Variants in MAP3K9 observed in about 807,000 individuals in gnomAD.
MAP3K9 encodes mixed lineage kinase 1 (tyr and ser/thr specificity).
MAP3K9 carries 46 observed loss-of-function variants against 95.8 expected under a neutral mutation model. That is an observed-to-expected ratio of 0.48 (90% CI 0.38 to 0.61). MAP3K9 has a LOEUF of 0.61. MAP3K9 is among the 20% of genes least tolerant of loss of function. The pLI, the probability that MAP3K9 is intolerant of heterozygous loss-of-function variation, is 0.00. For missense variants in MAP3K9, 1,296 were observed against 1,474.3 expected (o/e 0.88, Z 1.98); for synonymous variants, 533 against 593.8 (o/e 0.90, Z 1.49).
At chr14:70,762,362 T>A (rs1349774427) in intron 2 of MAP3K9, among the ~76,000 whole-genome samples, 2 of 152,218 alleles carry the variant, frequency 1.3e-5, no homozygotes, top group African/African-American at 4.8e-5. Flanking sequence ...ACAAGCAGAC[T>A]ATGGGGGTTT....
intron 5 of MAP3K9, among the ~76,000 whole-genome samples, chr14:70,745,476 G>A (rs978761953): frequency 6.6e-5 from 10 of 152,148 alleles, no homozygotes; most frequent in African/African-American, 1.2e-4. Context: ...GGTGTCTCAC[G>A]CCTGTAATCC....
At chr14:70,784,222 G>A (rs1317059850) in intron 2 of MAP3K9, among the ~76,000 whole-genome samples, 1 of 151,808 alleles carries the variant, frequency 6.6e-6, no homozygotes, top group Non-Finnish European at 1.5e-5. Context: ...GGTGGAGGCT[G>A]CAGCAAGCTG....
intron 5 of MAP3K9, among the ~76,000 whole-genome samples, chr14:70,746,904 A>G (rs1448844098): frequency 6.6e-6 from 1 of 152,054 alleles, no homozygotes; most frequent in Non-Finnish European, 1.5e-5. Flanking sequence ...AAGGCCAGCA[A>G]CTCTTGGGAT....
intron 3 of MAP3K9, among the ~76,000 whole-genome samples, chr14:70,758,743 A>G (rs1284993391): frequency 1.3e-5 from 2 of 152,206 alleles, no homozygotes; most frequent in Non-Finnish European, 2.9e-5. Flanking sequence ...TGAAATTCTG[A>G]GATAAGTTAC....
rs763560050 is a variant in MAP3K9 at position 70,808,921 on chromosome 14, T to C, written c.251A>G (p.Lys84Arg). 1.3e-6 allele frequency: 2 copies of C among 1,591,008 alleles called. No homozygotes were observed. Among genetic ancestry groups the C allele is most frequent in the South Asian group, 1.1e-5 (1 of 87,974 alleles). ...CTCGTCGCCGGACACCTGCGAGTCCTTGGACAGCACCTCCACCACGTCGCC... is the reference window on the plus strand; with the variant it reads ...CTCGTCGCCGGACACCTGCGAGTCCCTGGACAGCACCTCCACCACGTCGCC... ...RLGDVVEVLS[K>R]DSQVSGDEGW... The change falls in exon 1 of 12, where the codon AAG becomes AGG. Residue 84 changes from lysine to arginine, a missense_variant. By Grantham distance (26) the Lys-to-Arg change is conservative (BLOSUM62 2). This residue lies in a region of MAP3K9 where 338 missense variants were observed against 363.4 expected (regional missense o/e 0.93). Coordinates refer to ENST00000554752, the MANE Select transcript of MAP3K9 (RefSeq NM_001284230.2).
chr14:70,798,471 G>GTTTGTTT (rs2054889688), intron 2 of MAP3K9, among the ~76,000 whole-genome samples: 1 of 65,438 alleles, frequency 1.5e-5, no homozygotes, highest in Non-Finnish European at 2.7e-5. Context: ...GTCACCAAAA[G>GTTTGTTT]TTTTTTTTTT....
chr14:70,781,558 T>C (rs2054676114), intron 2 of MAP3K9, among the ~76,000 whole-genome samples: 3 of 152,248 alleles, frequency 2.0e-5, no homozygotes, highest in South Asian at 2.1e-4. Context: ...CAGTAGGTGA[T>C]ACACTGTGAG....
intron 2 of MAP3K9, among the ~76,000 whole-genome samples, chr14:70,764,796 T>C (rs962244184): frequency 6.6e-6 from 1 of 151,944 alleles, no homozygotes; most frequent in Admixed American, 6.6e-5. Flanking sequence ...TGTACCACTG[T>C]ACTTCAGTTT....
At chr14:70,799,430 C>T (rs993788504) in intron 2 of MAP3K9, among the ~76,000 whole-genome samples, 2 of 152,200 alleles carry the variant, frequency 1.3e-5, no homozygotes, top group African/African-American at 4.8e-5. Flanking sequence ...AGCTCCACCT[C>T]CCGGGTTCAC....
chr14:70,765,637 A>C, intron 2 of MAP3K9: 1 of 395,220 alleles, frequency 2.5e-6, no homozygotes, highest in Non-Finnish European at 4.5e-6. Flanking sequence ...TGTAGCCTGG[A>C]AACAGCAGAC....
At chr14:70,737,619 C>T (rs1292719349) in intron 8 of MAP3K9, among the ~76,000 whole-genome samples, 3 of 152,178 alleles carry the variant, frequency 2.0e-5, no homozygotes, top group African/African-American at 4.8e-5. Context: ...ATAGTTCTAG[C>T]GGCCCTGGAG....
intron 2 of MAP3K9, among the ~76,000 whole-genome samples, chr14:70,791,237 C>T (rs2054803793): frequency 6.6e-6 from 1 of 152,202 alleles, no homozygotes; most frequent in African/African-American, 2.4e-5. Flanking sequence ...AACTCAACCC[C>T]TCACCAAGGC....
intron 2 of MAP3K9, among the ~76,000 whole-genome samples, chr14:70,775,040 G>T: frequency 7.4e-6 from 1 of 135,018 alleles, no homozygotes; most frequent in Non-Finnish European, 1.6e-5. Context: ...CTTAATACAT[G>T]TAACTATATT....
At position 70,751,757 on chromosome 14, in the gene MAP3K9, A is replaced by G. The variant is rs1250235537; in HGVS notation, c.1002-1676T>C. On this transcript the variant is annotated intron_variant, in intron 3 of 11. Coordinates refer to ENST00000554752, the MANE Select transcript of MAP3K9 (RefSeq NM_001284230.2). ...ATAATAATAAACCCAGTAGCTATTTATCATGAAACCTTATATATGAAGACC... is the reference window on the plus strand; with the variant it reads ...ATAATAATAAACCCAGTAGCTATTTGTCATGAAACCTTATATATGAAGACC... Among the ~76,000 whole-genome samples the G allele has an allele frequency of 2.0e-5, 3 of 152,182 alleles. No homozygotes were observed. The East Asian group carries it at 5.8e-4, about 29-fold the overall frequency.
In MAP3K9 at chr14:70,800,944, G is replaced by C. The variant is rs183066238; in HGVS notation, c.543C>G (p.Ile181Met). 2 of 1,614,158 alleles carry C rather than the reference G, an allele frequency of 1.2e-6. No homozygotes were observed. Among genetic ancestry groups the C allele is most frequent in the African/African-American group, 2.7e-5 (2 of 75,034 alleles). The change falls in exon 2 of 12, where the codon ATC becomes ATG. Residue 181 changes from isoleucine to methionine, a missense_variant. Around this residue, in one of 5 missense-constraint regions of MAP3K9, gnomAD observed 338 missense variants for 363.4 expected, o/e 0.93. Coordinates refer to ENST00000554752, the MANE Select transcript of MAP3K9 (RefSeq NM_001284230.2). ...GGCGAACATTCTCTATGGTCTGGCT[G>C]ATGTCCTCATCAGGGTCGTGGCGAG... is the stretch of plus-strand genomic sequence containing the variant. ...KAARHDPDED[I>M]SQTIENVRQE...
chr14:70,747,415 T>G (rs900278246), intron 5 of MAP3K9, among the ~76,000 whole-genome samples: 1 of 152,236 alleles, frequency 6.6e-6, no homozygotes, highest in Non-Finnish European at 1.5e-5. Flanking sequence ...ACCATGATTA[T>G]AAGTTTCCTG....
chr14:70,730,804 G>A lies in MAP3K9; in HGVS notation c.2891C>T (p.Pro964Leu). 6.2e-7 allele frequency: 1 copy of A among 1,612,976 alleles called. No homozygotes were observed. The highest frequency in any genetic ancestry group is 1.1e-5 in the South Asian group (1 of 91,052). ...DPGEFPRLPD[P>L]NVVFPPTPRR... ...TGGGGTTGGGGGGAAGACCACATTG[G>A]GGTCAGGGAGACGGGGGAATTCACC... The change falls in exon 12 of 12, where the codon CCC (proline) becomes CTC (leucine). Residue 964 changes from proline to leucine, a missense_variant. By Grantham distance (98) the Pro-to-Leu change is moderately conservative. Around this residue, in one of 5 missense-constraint regions of MAP3K9, gnomAD observed 433 missense variants for 441.4 expected, o/e 0.98. Coordinates refer to ENST00000554752, the MANE Select transcript of MAP3K9 (RefSeq NM_001284230.2).
intron 6 of MAP3K9, among the ~76,000 whole-genome samples, chr14:70,740,795 C>G (rs2139728682): frequency 6.6e-6 from 1 of 152,360 alleles, no homozygotes; most frequent in Non-Finnish European, 1.5e-5. Context: ...CTGCTTGCAC[C>G]TATGTCTCCC....
intron 2 of MAP3K9, among the ~76,000 whole-genome samples, chr14:70,785,954 G>C (rs569395522): frequency 2.7e-4 from 41 of 152,294 alleles, no homozygotes; most frequent in African/African-American, 7.5e-4. Flanking sequence ...GCAGATAAGA[G>C]GGGACTACCA....
Sources: gnomAD v4.1 joint callset for allele counts (sites outside exome capture counted in the v4.1 genomes callset) on GRCh38, gnomAD v4.1.1 for gene constraint, gnomAD v4.1.1 regional missense constraint, MANE v1.5 for transcripts, NCBI Gene and HGNC (gene_info 2026-07-23, HGNC 2026-07-21) for gene names.